Variants in TMOD2 observed in about 807,000 individuals in gnomAD.
TMOD2 encodes tropomodulin 2.
Under a neutral mutation model 39.9 loss-of-function variants are expected in TMOD2, and 22 were observed. That is an observed-to-expected ratio of 0.55 (90% CI 0.39 to 0.79). TMOD2 has a LOEUF of 0.79. TMOD2 is among the 30% of genes least tolerant of loss of function. TMOD2 has a pLI of 0.00. For missense variants in TMOD2, 386 were observed against 413.3 expected, an observed-to-expected ratio of 0.93 and a Z score of 0.57; for synonymous variants, 123 against 146.1, an observed-to-expected ratio of 0.84 and a Z score of 1.14.
At position 51,775,570 on chromosome 15, in the gene TMOD2, C is replaced by CTTTTT. The variant is rs869308022; in HGVS notation, c.407-1341_407-1337dup. Among the ~76,000 whole-genome samples, 173 of 81,208 alleles carry CTTTTT rather than the reference C, an allele frequency of 2.1e-3. 4 individuals carry two copies. Among genetic ancestry groups the CTTTTT allele is most frequent in the African/African-American group, 2.3e-3 (44 of 19,224 alleles). The allele number at this position is 81,208 out of a possible 152,430, so 53.3% of individuals were successfully genotyped here. On this transcript the variant is annotated intron_variant, in intron 4 of 9. Coordinates refer to ENST00000249700, the MANE Select transcript of TMOD2 (RefSeq NM_014548.4). ...GAGACACAGTGACAAATTCTTTTTC[C>CTTTTT]TTTTTTTTTTTTTTTTTTTTTTTTT...
intron 7 of TMOD2, 27 bp downstream of exon 7, chr15:51,782,855 A>T (rs2055940738): frequency 8.9e-6 from 14 of 1,579,462 alleles, no homozygotes; most frequent in African/African-American, 2.7e-5. Context: ...GAAATATAAC[A>T]TGAAGTTATT....
chr15:51,762,314 C>T (rs1732310181), intron 1 of TMOD2, among the ~76,000 whole-genome samples: 1 of 151,834 alleles, frequency 6.6e-6, no homozygotes, highest in Non-Finnish European at 1.5e-5. Flanking sequence ...AAAAAAATAG[C>T]CCGGCATGGT....
At position 51,770,313 on chromosome 15, in the gene TMOD2, T is replaced by C. The variant is rs569784381; in HGVS notation, c.283+1895T>C. ...TTAAATTTCAGGGCCTCGGGCTTTCTCTGACCTCTCTTCTCTCTATCATGA... is the reference window on the plus strand; with the variant it reads ...TTAAATTTCAGGGCCTCGGGCTTTCCCTGACCTCTCTTCTCTCTATCATGA... On this transcript the variant is annotated intron_variant, in intron 3 of 9. Transcript: ENST00000249700. Among the ~76,000 whole-genome samples, 13 of 152,346 alleles carry C rather than the reference T, an allele frequency of 8.5e-5. No individual in the cohort carries two copies. The South Asian group carries it at 2.7e-3, about 32-fold the overall frequency.
rs971882062 is a variant in TMOD2 at position 51,794,130 on chromosome 15, T to C, written c.733-4067T>C. On this transcript the variant is annotated intron_variant, in intron 7 of 9. Transcript: ENST00000249700. ...CATCTGGAGATATTTCTGGTTGTCA[T>C]GATGGGGAGGAGTGCTATTGACATC... Among the ~76,000 whole-genome samples, 4 of 152,324 alleles carry C rather than the reference T, an allele frequency of 2.6e-5. No individual in the cohort carries two copies. The East Asian group carries it at 5.8e-4, about 22-fold the overall frequency.
chr15:51,781,175 GTATTTC>G lies in TMOD2; in HGVS notation c.624+2_624+7del, dbSNP rs2055927307. The G allele has an allele frequency of 6.3e-7, 1 of 1,595,918 alleles. No individual in the cohort carries two copies. The highest frequency in any genetic ancestry group is 1.4e-5 in the African/African-American group (1 of 73,978). ...AGAAGTCAACCTCAACAACATTAAG[GTATTTC>G]ATTGTGATTATCATCAGTCAGTTAA... On this transcript the variant is annotated splice_donor_variant and splice_donor_5th_base_variant and intron_variant, in intron 6 of 9. Coordinates refer to ENST00000249700, the MANE Select transcript of TMOD2 (RefSeq NM_014548.4). LOFTEE classifies it high-confidence loss of function.
chr15:51,764,703 T>TA (rs2055804935), intron 1 of TMOD2, among the ~76,000 whole-genome samples: 1 of 152,144 alleles, frequency 6.6e-6, no homozygotes, highest in Non-Finnish European at 1.5e-5. Flanking sequence ...TCCCCCTCTG[T>TA]AGCCATGCCG....
rs1469733514 is a variant in TMOD2, at chr15:51,809,978, T to C, written c.*1524T>C. On this transcript the variant is annotated 3_prime_UTR_variant, in exon 10 of 10. Transcript: ENST00000249700. The stretch of plus-strand genomic sequence containing the variant: ...TGTATTGTAAGTACCCACATCTGTG[T>C]CTCTGAAGTCCTTTGAAACATCTCA... 2 of 152,222 alleles carry C rather than the reference T, an allele frequency of 1.3e-5. No individual in the cohort carries two copies. Among genetic ancestry groups the C allele is most frequent in the African/African-American group, 4.8e-5 (2 of 41,448 alleles). The allele number at this position is 152,222 out of a possible 1,614,324, so 9.4% of individuals were successfully genotyped here. A position where few individuals can be genotyped will look rare whatever the true frequency, so the allele number is the denominator to read the frequency against.
intron 3 of TMOD2, among the ~76,000 whole-genome samples, chr15:51,769,001 T>A (rs988830213): frequency 6.6e-6 from 1 of 152,170 alleles, no homozygotes; most frequent in African/African-American, 2.4e-5. Flanking sequence ...ACTGTGGACA[T>A]TGGGTGATAA....
chr15:51,798,157 C>T (rs370099318), intron 7 of TMOD2, 40 bp from the exon 8 acceptor site: 54 of 1,542,338 alleles, frequency 3.5e-5, no homozygotes, highest in Non-Finnish European at 3.0e-5. Flanking sequence ...TTTAGAAATT[C>T]TAACTTAATT....
chr15:51,757,759 G>T (rs1454807801), intron 1 of TMOD2, among the ~76,000 whole-genome samples: 1 of 152,194 alleles, frequency 6.6e-6, no homozygotes, highest in Non-Finnish European at 1.5e-5. Flanking sequence ...GCCTTGGTGG[G>T]GGCAAAAGCA....
Position 51,808,424 on chromosome 15 carries a change from T to C in TMOD2, c.1026T>C (p.Arg342=). ...GTTCCTTTCTTTCTTACCTAGTTCG[T>C]AAGAAGAGAGTTGAAGCAGACCGAA... ...AAITKNNDLV[R]KKRVEADRR Residue 342 remains arginine (R), a synonymous_variant, in exon 10 of 10, where the codon CGT becomes CGC. Coordinates refer to ENST00000249700, the MANE Select transcript of TMOD2 (RefSeq NM_014548.4). 1 of 1,612,740 alleles carries C rather than the reference T, an allele frequency of 6.2e-7. No homozygotes were observed. The highest frequency in any genetic ancestry group is 8.5e-7 in the Non-Finnish European group (1 of 1,179,294).
At chr15:51,760,556 G>A (rs2055773529) in intron 1 of TMOD2, among the ~76,000 whole-genome samples, 1 of 152,192 alleles carries the variant, frequency 6.6e-6, no homozygotes, top group African/African-American at 2.4e-5. Context: ...TATAATCTCA[G>A]CACTTTGGGA....
At chr15:51,773,897 C>T in intron 4 of TMOD2, 63 bp downstream of exon 4, 2 of 1,528,702 alleles carry the variant, frequency 1.3e-6, no homozygotes, top group South Asian at 1.3e-5. Flanking sequence ...TGCACTGGCA[C>T]CCATGGCAGC....
In TMOD2 at chr15:51,812,516, C is replaced by T. The variant is rs1429175066; in HGVS notation, c.*4062C>T. ...ACAGATATGATGTACTCAGCCCCCT[C>T]CTAGGCACTACGAAGAAGACAGAGG... On this transcript the variant is annotated 3_prime_UTR_variant, in exon 10 of 10. Coordinates refer to ENST00000249700, the MANE Select transcript of TMOD2 (RefSeq NM_014548.4). The T allele has an allele frequency of 6.6e-6, 1 of 152,192 alleles. No individual in the cohort carries two copies. Among genetic ancestry groups the T allele is most frequent in the African/African-American group, 2.4e-5 (1 of 41,454 alleles). 9.4% of individuals were successfully genotyped at this position (152,192 alleles called of 1,614,324 possible). A position where few individuals can be genotyped will look rare whatever the true frequency, so the allele number is the denominator to read the frequency against.
chr15:51,761,572 A>C (rs992981363), intron 1 of TMOD2, among the ~76,000 whole-genome samples: 4 of 151,546 alleles, frequency 2.6e-5, no homozygotes, highest in Non-Finnish European at 4.4e-5. Context: ...GCAAAAAAGA[A>C]AAAAAAATTT....
Position 51,803,168 on chromosome 15 carries a change from CT to C in TMOD2, c.877-3186del, listed in dbSNP as rs771354231. ...AAATTAAATTGGGTCTCTATATCTT[CT>C]TTTTTTTTTTTTTTTTTTTTTTCTT... On this transcript the variant is annotated intron_variant, in intron 8 of 9. Transcript: ENST00000249700. 5.3e-3 allele frequency among the ~76,000 whole-genome samples: 502 copies of C among 95,216 alleles called. 2 individuals carry two copies. Among genetic ancestry groups the C allele is most frequent in the African/African-American group, 0.017 (431 of 25,478 alleles). The allele number at this position is 95,216 out of a possible 152,430, so 62.5% of individuals were successfully genotyped here.
rs2056160296 is a variant in TMOD2, at chr15:51,812,084, G to A, written c.*3630G>A. The stretch of plus-strand genomic sequence containing the variant: ...TTTGGCTTCATCTGGAAAATTGACT[G>A]GAGGGAGATGCTGTCTCCCAGCCCT... On this transcript the variant is annotated 3_prime_UTR_variant, in exon 10 of 10. Transcript: ENST00000249700. 1 of 151,972 alleles carries A rather than the reference G, an allele frequency of 6.6e-6. No homozygotes were observed. The highest frequency in any genetic ancestry group is 2.1e-4 in the South Asian group (1 of 4,814). The allele number at this position is 151,972 out of a possible 1,614,324, so 9.4% of individuals were successfully genotyped here.
At chr15:51,769,875 A>T (rs1048534700) in intron 3 of TMOD2, among the ~76,000 whole-genome samples, 1 of 152,064 alleles carries the variant, frequency 6.6e-6, no homozygotes, top group Non-Finnish European at 1.5e-5. Context: ...TCTCTAAAAA[A>T]ATACAAAAAT....
chr15:51,773,400 G>A (rs370745934), intron 3 of TMOD2, among the ~76,000 whole-genome samples: 15 of 152,216 alleles, frequency 9.9e-5, no homozygotes, highest in Admixed American at 9.2e-4. Context: ...TCAGGGCAGG[G>A]CCTCTCCTGC....
Sources: gnomAD v4.1 joint callset for allele counts (sites outside exome capture counted in the v4.1 genomes callset) on GRCh38, gnomAD v4.1.1 for gene constraint, MANE v1.5 for transcripts, NCBI Gene and HGNC (gene_info 2026-07-23, HGNC 2026-07-21) for gene names.